SGCZ: variants seen among roughly 807,000 people sequenced by gnomAD.
The protein encoded by SGCZ is zeta-sarcoglycan.
SGCZ carries 40 observed loss-of-function variants against 41.3 expected under a neutral mutation model. That is an observed-to-expected ratio of 0.97 (90% CI 0.75 to 1.26). SGCZ has a LOEUF of 1.26. Ranked by LOEUF, SGCZ falls within the 50% of genes most tolerant of loss-of-function variation. The pLI, the probability that SGCZ is intolerant of heterozygous loss-of-function variation, is 0.00. For synonymous variants in SGCZ, 206 were observed against 137.5 expected (o/e 1.50, Z -3.49); for missense variants, 552 against 369.8 (o/e 1.49, Z -4.04).
chr8:14,674,032 T>C lies in SGCZ; in HGVS notation c.40-119106A>G, dbSNP rs138189910. ...AAGTGATCCACAAGATAAATACTAATTTGGAGATGAAGTTCGATGAATAAA... is the reference window on the plus strand; with the variant it reads ...AAGTGATCCACAAGATAAATACTAACTTGGAGATGAAGTTCGATGAATAAA... On this transcript the variant is annotated intron_variant, in intron 1 of 7. Coordinates refer to ENST00000382080, the MANE Select transcript of SGCZ (RefSeq NM_139167.4). Among the ~76,000 whole-genome samples, 152 of 152,260 alleles carry C rather than the reference T, an allele frequency of 1.0e-3. 1 individual carries two copies. Among genetic ancestry groups the C allele is most frequent in the African/African-American group, 3.5e-3 (147 of 41,572 alleles).
At chr8:14,768,660 A>T (rs1001829792) in intron 1 of SGCZ, among the ~76,000 whole-genome samples, 2 of 152,248 alleles carry the variant, frequency 1.3e-5, no homozygotes, top group Middle Eastern at 3.4e-3. Flanking sequence ...ATTTCTCACT[A>T]AACACACATC....
intron 2 of SGCZ, among the ~76,000 whole-genome samples, chr8:14,367,874 CT>C (rs1308806363): frequency 1.3e-5 from 2 of 152,030 alleles, no homozygotes; most frequent in Non-Finnish European, 2.9e-5. Context: ...AAGAATGTCA[CT>C]TAATAATGCT....
At chr8:14,680,981 A>AAAAAAAC (rs1554479471) in intron 1 of SGCZ, among the ~76,000 whole-genome samples, 1 of 150,234 alleles carries the variant, frequency 6.7e-6, no homozygotes, top group African/African-American at 2.4e-5. Context: ...AAAAAAAAAA[A>AAAAAAAC]CAGAAAATCG....
chr8:14,514,824 C>G (rs1377837720), intron 2 of SGCZ, among the ~76,000 whole-genome samples: 1 of 136,898 alleles, frequency 7.3e-6, no homozygotes, highest in African/African-American at 2.5e-5. Context: ...TATATATACA[C>G]GCACACACAC....
intron 1 of SGCZ, among the ~76,000 whole-genome samples, chr8:15,083,748 T>G (rs1156521176): frequency 6.6e-6 from 1 of 151,974 alleles, no homozygotes; most frequent in African/African-American, 2.4e-5. Flanking sequence ...TTGGGTTTTT[T>G]GTTGTTGTTG....
intron 2 of SGCZ, among the ~76,000 whole-genome samples, chr8:14,378,655 C>G (rs76732303): frequency 0.074 from 11,200 of 152,162 alleles, 1,278 homozygotes; most frequent in African/African-American, 0.24. Flanking sequence ...TGGTTGGTCA[C>G]AAGTATAGGT....
intron 2 of SGCZ, among the ~76,000 whole-genome samples, chr8:14,399,614 A>G (rs1799017342): frequency 6.6e-6 from 1 of 152,114 alleles, no homozygotes; most frequent in African/African-American, 2.4e-5. Flanking sequence ...TATTTTGCAA[A>G]TGCAAAATTG....
chr8:14,530,990 T>C (rs975062009), intron 2 of SGCZ, among the ~76,000 whole-genome samples: 14 of 151,990 alleles, frequency 9.2e-5, no homozygotes, highest in African/African-American at 3.1e-4. Context: ...GAGGGGTTCC[T>C]GGTGAAACTT....
chr8:14,995,434 T>C (rs892583544), intron 1 of SGCZ, among the ~76,000 whole-genome samples: 5 of 152,186 alleles, frequency 3.3e-5, no homozygotes, highest in African/African-American at 1.2e-4. Flanking sequence ...TCCCAGATGG[T>C]TGCAGGTTTC....
intron 2 of SGCZ, among the ~76,000 whole-genome samples, chr8:14,540,334 A>T (rs1316071199): frequency 6.9e-6 from 1 of 145,512 alleles, no homozygotes; most frequent in Admixed American, 7.2e-5. Flanking sequence ...AGGTATCATG[A>T]GTATTAATAT....
chr8:14,982,095 A>G (rs530962469), intron 1 of SGCZ, among the ~76,000 whole-genome samples: 13 of 151,776 alleles, frequency 8.6e-5, no homozygotes, highest in Admixed American at 3.3e-4. Flanking sequence ...GTTTGCAGTG[A>G]GCCAGGATCA....
At chr8:14,815,859 G>A (rs1585285881) in intron 1 of SGCZ, among the ~76,000 whole-genome samples, 1 of 152,188 alleles carries the variant, frequency 6.6e-6, no homozygotes, top group Non-Finnish European at 1.5e-5. Context: ...GACTTCACTT[G>A]GAGTAACTGT....
At chr8:15,064,940 G>A (rs572484825) in intron 1 of SGCZ, among the ~76,000 whole-genome samples, 7 of 152,218 alleles carry the variant, frequency 4.6e-5, no homozygotes, top group African/African-American at 1.7e-4. Context: ...ATCAGTTGCG[G>A]TTTACACCAT....
intron 5 of SGCZ, among the ~76,000 whole-genome samples, chr8:14,116,259 G>C (rs1289181652): frequency 6.6e-6 from 1 of 152,032 alleles, no homozygotes; most frequent in African/African-American, 2.4e-5. Flanking sequence ...TTATGAGCCT[G>C]AGCTGCATAG....
intron 1 of SGCZ, among the ~76,000 whole-genome samples, chr8:15,003,910 G>A (rs767619765): frequency 6.6e-5 from 10 of 152,062 alleles, no homozygotes; most frequent in South Asian, 4.1e-4. Flanking sequence ...TTACAACAAC[G>A]CAGTTAATAT....
At chr8:14,317,245 G>A (rs953124491) in intron 3 of SGCZ, among the ~76,000 whole-genome samples, 2 of 151,928 alleles carry the variant, frequency 1.3e-5, no homozygotes, top group Admixed American at 1.3e-4. Flanking sequence ...AGGTTATATT[G>A]CTTTTATCTC....
At chr8:14,092,905 T>A (rs2116955493) in intron 7 of SGCZ, among the ~76,000 whole-genome samples, 1 of 129,468 alleles carries the variant, frequency 7.7e-6, no homozygotes, top group South Asian at 2.5e-4. Flanking sequence ...AGATTTGAAG[T>A]CTCCATGAAA....
intron 2 of SGCZ, among the ~76,000 whole-genome samples, chr8:14,461,914 C>A (rs1800912302): frequency 6.6e-6 from 1 of 152,018 alleles, no homozygotes; most frequent in Admixed American, 6.6e-5. Flanking sequence ...TTTGGGAATA[C>A]TGTCAAAGAT....
chr8:15,184,205 C>G (rs968454523), intron 1 of SGCZ, among the ~76,000 whole-genome samples: 1 of 152,130 alleles, frequency 6.6e-6, no homozygotes, highest in Non-Finnish European at 1.5e-5. Context: ...ATCATATATA[C>G]TGTCACTAGT....
Sources: allele counts gnomAD v4.1 joint callset (sites outside exome capture counted in the v4.1 genomes callset), GRCh38; gene constraint gnomAD v4.1.1; transcripts MANE v1.5; gene names NCBI Gene and HGNC (gene_info 2026-07-23, HGNC 2026-07-21).